Variants in ACER2 observed in about 807,000 individuals in gnomAD.
The protein encoded by ACER2 is alkaline ceramidase 2.
Under a neutral mutation model 34.7 loss-of-function variants are expected in ACER2, and 26 were observed. The ratio of observed to expected loss-of-function variants is 0.75; its 90% CI spans 0.55 to 1.04. The LOEUF (loss-of-function observed/expected upper bound fraction) is 1.04, where lower values mean the gene tolerates loss of function less well. ACER2 is among the 50% of genes least tolerant of loss of function. The pLI, the probability that ACER2 is intolerant of heterozygous loss-of-function variation, is 0.00. For missense variants in ACER2, 352 were observed against 340.8 expected (o/e 1.03, Z -0.26); for synonymous variants, 138 against 132.1 (o/e 1.04, Z -0.31).
At chr9:19,422,108 A>T (rs994893362) in intron 1 of ACER2, among the ~76,000 whole-genome samples, 1 of 149,988 alleles carries the variant, frequency 6.7e-6, no homozygotes, top group African/African-American at 2.5e-5. Context: ...ACATAGTGAG[A>T]CCACCATCTC....
intron 4 of ACER2, among the ~76,000 whole-genome samples, chr9:19,442,028 T>C (rs982274879): frequency 2.6e-5 from 4 of 152,236 alleles, no homozygotes; most frequent in Non-Finnish European, 5.9e-5. Context: ...TCATTTCTTT[T>C]AACCAGCTTC....
At position 19,434,947 on chromosome 9, in the gene ACER2, G is replaced by A; in HGVS notation, c.366G>A (p.Arg122=). 1 of 1,613,418 alleles carries A rather than the reference G, an allele frequency of 6.2e-7. No homozygotes were observed. Among genetic ancestry groups the A allele is most frequent in the Non-Finnish European group, 8.5e-7 (1 of 1,179,988 alleles). ...RYLPKIFRND[R]GRFKVVVSVL... The stretch of plus-strand genomic sequence containing the variant: ...TTTGGTTTTGCTTTCATGGATTCAG[G>A]GGTAGGTTCAAGGTGGTGGTCAGTG... The change falls in exon 4 of 6, where the codon CGG becomes CGA. Residue 122 remains arginine, a splice_region_variant and synonymous_variant. Coordinates refer to ENST00000340967, the MANE Select transcript of ACER2 (RefSeq NM_001010887.3).
chr9:19,414,803 G>A (rs924720393), intron 1 of ACER2, among the ~76,000 whole-genome samples: 83 of 147,918 alleles, frequency 5.6e-4, no homozygotes, highest in Non-Finnish European at 1.1e-3. Context: ...CCAAGATCGC[G>A]CCACTGCACT....
intron 1 of ACER2, among the ~76,000 whole-genome samples, chr9:19,416,813 G>A (rs770538023): frequency 2.6e-5 from 4 of 152,024 alleles, no homozygotes; most frequent in Non-Finnish European, 5.9e-5. Context: ...GATTACAGGC[G>A]TGAGCCACCC....
intron 5 of ACER2, among the ~76,000 whole-genome samples, chr9:19,447,246 G>C (rs920481904): frequency 1.3e-5 from 2 of 152,206 alleles, no homozygotes; most frequent in African/African-American, 4.8e-5. Context: ...AGGAATTCTA[G>C]TGGTGAAGAA....
intron 3 of ACER2, among the ~76,000 whole-genome samples, chr9:19,433,817 C>T (rs1422576747): frequency 6.7e-6 from 1 of 148,186 alleles, no homozygotes; most frequent in East Asian, 2.0e-4. Flanking sequence ...GACGGGGCGG[C>T]TGGCCGGGCA....
intron 1 of ACER2, among the ~76,000 whole-genome samples, chr9:19,421,031 C>T (rs1351425575): frequency 6.6e-6 from 1 of 152,170 alleles, no homozygotes; most frequent in Non-Finnish European, 1.5e-5. Flanking sequence ...TGTACACACC[C>T]AGGCCATATG....
intron 5 of ACER2, 130 bp downstream of exon 5, chr9:19,446,548 G>T (rs1355337869): frequency 6.5e-7 from 1 of 1,530,868 alleles, no homozygotes; most frequent in Non-Finnish European, 8.7e-7. Context: ...TCAGGTGGAC[G>T]GTCAGATGGT....
intron 4 of ACER2, among the ~76,000 whole-genome samples, chr9:19,440,288 A>G (rs115756095): frequency 8.5e-4 from 130 of 152,250 alleles, no homozygotes; most frequent in African/African-American, 2.9e-3. Context: ...ACAGCTTTGC[A>G]TGTAGGAATC....
intron 1 of ACER2, among the ~76,000 whole-genome samples, chr9:19,414,162 C>CT (rs1417634350): frequency 1.3e-5 from 2 of 152,304 alleles, no homozygotes; most frequent in Non-Finnish European, 2.9e-5. Flanking sequence ...CGTCCCATGC[C>CT]TTGGGAAGCC....
At chr9:19,426,350 C>T (rs1389159581) in intron 3 of ACER2, among the ~76,000 whole-genome samples, 2 of 139,690 alleles carry the variant, frequency 1.4e-5, no homozygotes, top group Non-Finnish European at 3.0e-5. Context: ...TTGTCTTTCT[C>T]CCTCTCTTTC....
Position 19,446,185 on chromosome 9 carries a change from C to CT in ACER2, c.504-96_504-95insT, listed in dbSNP as rs1321617611. 1.9e-6 allele frequency: 3 copies of CT among 1,560,044 alleles called. No individual in the cohort carries two copies. The African/African-American group carries it at 4.1e-5, about 21-fold the overall frequency. ...AACTTCAGTGTCTTGGGGTTGTAGG[C>CT]ATGAGAGGAACCAGCGAAGGAGACA... On this transcript the variant is annotated intron_variant, in intron 4 of 5. Coordinates refer to ENST00000340967, the MANE Select transcript of ACER2 (RefSeq NM_001010887.3).
chr9:19,443,117 G>T (rs1360417816), intron 4 of ACER2, among the ~76,000 whole-genome samples: 2 of 152,158 alleles, frequency 1.3e-5, no homozygotes, highest in Non-Finnish European at 2.9e-5. Flanking sequence ...TGCAAGCTCC[G>T]CCTCCCGGGT....
At chr9:19,436,797 T>G (rs944115550) in intron 4 of ACER2, among the ~76,000 whole-genome samples, 2 of 152,260 alleles carry the variant, frequency 1.3e-5, no homozygotes, top group Non-Finnish European at 2.9e-5. Flanking sequence ...AATATCTCTG[T>G]GATGAACATC....
intron 1 of ACER2, among the ~76,000 whole-genome samples, chr9:19,422,119 T>C (rs1830423533): frequency 7.1e-6 from 1 of 140,558 alleles, no homozygotes; most frequent in Non-Finnish European, 1.6e-5. Flanking sequence ...CCACCATCTC[T>C]ACCAAAAAAA....
chr9:19,433,680 A>C (rs1335995754), intron 3 of ACER2, among the ~76,000 whole-genome samples: 1 of 152,248 alleles, frequency 6.6e-6, no homozygotes, highest in East Asian at 1.9e-4. Context: ...CACACCTCCC[A>C]GATGGGGTGG....
chr9:19,426,453 C>A (rs1394596394), intron 3 of ACER2, among the ~76,000 whole-genome samples: 1 of 149,716 alleles, frequency 6.7e-6, no homozygotes, highest in African/African-American at 2.5e-5. Context: ...TGAAAGATAC[C>A]CACCAGTCAC....
chr9:19,414,878 GCA>G (rs1202621658), intron 1 of ACER2, among the ~76,000 whole-genome samples: 1 of 151,472 alleles, frequency 6.6e-6, no homozygotes, highest in African/African-American at 2.4e-5. Flanking sequence ...GCCCTTGAGT[GCA>G]CTATTCTACA....
intron 1 of ACER2, among the ~76,000 whole-genome samples, chr9:19,412,986 G>T (rs753567714): frequency 1.3e-5 from 2 of 152,234 alleles, no homozygotes; most frequent in East Asian, 1.9e-4. Flanking sequence ...ATGTACTTTC[G>T]CAAGCACTAA....
Sources: gnomAD v4.1 joint callset for allele counts (sites outside exome capture counted in the v4.1 genomes callset) on GRCh38, gnomAD v4.1.1 for gene constraint, MANE v1.5 for transcripts, NCBI Gene and HGNC (gene_info 2026-07-23, HGNC 2026-07-21) for gene names.